Variants in GRIK5 observed in about 807,000 individuals in gnomAD.
GRIK5 encodes the protein glutamate receptor ionotropic, kainate 5.
A neutral mutation model predicts 97.4 loss-of-function variants in GRIK5; 43 were observed. That is an observed-to-expected ratio of 0.44 (90% CI 0.35 to 0.57). GRIK5 has a LOEUF of 0.57. Among genes scored for constraint, GRIK5 ranks in the 20% least tolerant of loss-of-function variants. The pLI is 0.01. For synonymous variants in GRIK5, 580 were observed against 583.5 expected, an observed-to-expected ratio of 0.99 and a Z score of 0.09; for missense variants, 1,015 against 1,382.0, an observed-to-expected ratio of 0.73 and a Z score of 4.21.
At chr19:42,026,052 G>T (rs1404434228) in intron 12 of GRIK5, among the ~76,000 whole-genome samples, 1 of 152,154 alleles carries the variant, frequency 6.6e-6, no homozygotes, top group Non-Finnish European at 1.5e-5. Flanking sequence ...ACACAGTGGT[G>T]CAATCATAAG....
intron 1 of GRIK5, chr19:42,068,718 A>C: frequency 2.0e-6 from 1 of 493,058 alleles, no homozygotes. Context: ...AGACATGCCG[A>C]GAGCAACCTG....
At chr19:42,068,828 G>C (rs1477982546) in intron 1 of GRIK5, 2 of 659,208 alleles carry the variant, frequency 3.0e-6, no homozygotes, top group Non-Finnish European at 5.5e-6. Context: ...AGGAGATAGA[G>C]ACTGGACGGG....
chr19:42,015,492 G>C (rs1208197592), intron 15 of GRIK5, among the ~76,000 whole-genome samples: 3 of 152,194 alleles, frequency 2.0e-5, no homozygotes, highest in Non-Finnish European at 4.4e-5. Flanking sequence ...ATCAATCATA[G>C]AAAGATCTCT....
Position 42,062,377 on chromosome 19 carries a change from G to C in GRIK5, c.508+111C>G. ...AAGATGGGAGAAGAGCCTGGTGCCT[G>C]GGTGCCCCAGGGTTCTAACTAGGGG... On this transcript the variant is annotated intron_variant, in intron 5 of 19. Coordinates refer to ENST00000593562, the MANE Select transcript of GRIK5 (RefSeq NM_002088.5). The surrounding 1 kb of genome is among the most constrained non-coding windows in gnomAD (Gnocchi z 5.3). The C allele has an allele frequency of 9.6e-7, 1 of 1,038,096 alleles. No homozygotes were observed. The highest frequency in any genetic ancestry group is 1.4e-6 in the Non-Finnish European group (1 of 712,500). The allele number at this position is 1,038,096 out of a possible 1,614,324, so 64.3% of individuals were successfully genotyped here.
intron 11 of GRIK5, among the ~76,000 whole-genome samples, chr19:42,044,016 G>C (rs2076012410): frequency 6.6e-6 from 1 of 152,222 alleles, no homozygotes; most frequent in Admixed American, 6.5e-5. Flanking sequence ...TCAAGGGAGA[G>C]ACCAGGTGGA....
chr19:42,030,520 G>A (rs775368106), intron 12 of GRIK5, among the ~76,000 whole-genome samples: 21 of 151,978 alleles, frequency 1.4e-4, no homozygotes, highest in South Asian at 8.3e-4. Flanking sequence ...GTCCAGCAGC[G>A]TGATCATAGC....
chr19:42,024,109 C>A (rs1372915414), intron 12 of GRIK5, among the ~76,000 whole-genome samples: 1 of 152,134 alleles, frequency 6.6e-6, no homozygotes. Flanking sequence ...CTCTTCTTCC[C>A]CGTTCCAGGC....
At position 42,022,440 on chromosome 19, in the gene GRIK5, A is replaced by T; in HGVS notation, c.1474-86T>A. 6.7e-7 allele frequency: 1 copy of T among 1,490,350 alleles called. No individual in the cohort carries two copies. Among genetic ancestry groups the T allele is most frequent in the Non-Finnish European group, 9.1e-7 (1 of 1,100,776 alleles). The allele number at this position is 1,490,350 out of a possible 1,614,324, so 92.3% of individuals were successfully genotyped here. A position where few individuals can be genotyped will look rare whatever the true frequency, so the allele number is the denominator to read the frequency against. On this transcript the variant is annotated intron_variant, in intron 12 of 19. Coordinates refer to ENST00000593562, the MANE Select transcript of GRIK5 (RefSeq NM_002088.5). The surrounding 1 kb of genome is among the most constrained non-coding windows in gnomAD (Gnocchi z 4.2). ...GTTAGAGAGAAATGCACGGAGAGTGAGCAACTGAGGGAGGCGAGAGAGAGA... is the reference window on the plus strand; with the variant it reads ...GTTAGAGAGAAATGCACGGAGAGTGTGCAACTGAGGGAGGCGAGAGAGAGA...
intron 15 of GRIK5, among the ~76,000 whole-genome samples, chr19:42,010,038 C>T (rs2075543129): frequency 6.8e-6 from 1 of 146,756 alleles, no homozygotes; most frequent in Non-Finnish European, 1.5e-5. Flanking sequence ...TGCACTCCAG[C>T]CTGGGCAACA....
Position 42,022,369 on chromosome 19 carries a change from G to A in GRIK5, c.1474-15C>T. The A allele has an allele frequency of 6.2e-7, 1 of 1,603,760 alleles. No individual in the cohort carries two copies. The highest frequency in any genetic ancestry group is 1.1e-5 in the South Asian group (1 of 90,862). On this transcript the variant is annotated splice_polypyrimidine_tract_variant and intron_variant, in intron 12 of 19. Coordinates refer to ENST00000593562, the MANE Select transcript of GRIK5 (RefSeq NM_002088.5). The surrounding 1 kb of genome is among the most constrained non-coding windows in gnomAD (Gnocchi z 4.2). The stretch of plus-strand genomic sequence containing the variant: ...AGGTCTGCCTTCTGCTGGAGGGGAA[G>A]CCGGGCAGGGGTGGAGGGGGACAGA...
At chr19:42,051,711 G>A (rs1169391671) in intron 11 of GRIK5, among the ~76,000 whole-genome samples, 1 of 152,198 alleles carries the variant, frequency 6.6e-6, no homozygotes, top group African/African-American at 2.4e-5. Flanking sequence ...CCTGACACAG[G>A]TCTTGCCCAG....
At chr19:42,060,386 A>G (rs541179124) in intron 5 of GRIK5, among the ~76,000 whole-genome samples, 5 of 152,116 alleles carry the variant, frequency 3.3e-5, no homozygotes, top group Non-Finnish European at 5.9e-5. Context: ...AATGCATTAC[A>G]TGGTTAGAAA....
chr19:42,053,073 C>T (rs1470077775), intron 11 of GRIK5, among the ~76,000 whole-genome samples: 1 of 152,106 alleles, frequency 6.6e-6, no homozygotes, highest in African/African-American at 2.4e-5. Flanking sequence ...AGGAGTGGCA[C>T]CCCCAGGGCT....
rs1168333711 is a variant in GRIK5, at chr19:42,034,055, G to A, written c.1473+8497C>T. 2.6e-5 allele frequency among the ~76,000 whole-genome samples: 4 copies of A among 152,050 alleles called. No homozygotes were observed. In the East Asian group the frequency reaches 5.8e-4, roughly 22 times the overall value. On this transcript the variant is annotated intron_variant, in intron 12 of 19. Coordinates refer to ENST00000593562, the MANE Select transcript of GRIK5 (RefSeq NM_002088.5). ...TTGCTTAAAACCTTCCAGTGGCTCTGCAGCACGATAAAAATAACAGCCAAG... is the reference window on the plus strand; with the variant it reads ...TTGCTTAAAACCTTCCAGTGGCTCTACAGCACGATAAAAATAACAGCCAAG...
Position 42,062,966 on chromosome 19 carries a change from C to A in GRIK5, c.245-111G>T. ...GGAGAGGATCAGACACTGGCAACTG[C>A]CTGATCCTCTTCTGCCATCCGGGAC... On this transcript the variant is annotated intron_variant, in intron 3 of 19. Coordinates refer to ENST00000593562, the MANE Select transcript of GRIK5 (RefSeq NM_002088.5). This position sits in a 1 kb window ranked among gnomAD's most constrained non-coding sequence, Gnocchi z 5.3. 1 of 767,502 alleles carries A rather than the reference C, an allele frequency of 1.3e-6. No individual in the cohort carries two copies. The highest frequency in any genetic ancestry group is 2.2e-6 in the Non-Finnish European group (1 of 449,198). The allele number at this position is 767,502 out of a possible 1,614,324, so 47.5% of individuals were successfully genotyped here.
chr19:42,044,433 A>C (rs926224122), intron 11 of GRIK5, among the ~76,000 whole-genome samples: 2 of 152,190 alleles, frequency 1.3e-5, no homozygotes, highest in Admixed American at 6.5e-5. Flanking sequence ...CTTATTTCTG[A>C]GGGGTTTGAG....
Position 42,062,677 on chromosome 19 carries a change from C to T in GRIK5, c.343-24G>A, listed in dbSNP as rs376398669. 1.2e-4 allele frequency: 198 copies of T among 1,613,670 alleles called. No homozygotes were observed. Among genetic ancestry groups the T allele is most frequent in the Non-Finnish European group, 1.6e-4 (191 of 1,179,768 alleles). ...ATCTGGACAGAGAGGAAACTTTGGC[C>T]TCCATCCTGCTTCTCCGCCCAGCCC... On this transcript the variant is annotated intron_variant, in intron 4 of 19. Coordinates refer to ENST00000593562, the MANE Select transcript of GRIK5 (RefSeq NM_002088.5). This position sits in a 1 kb window ranked among gnomAD's most constrained non-coding sequence, Gnocchi z 5.3.
intron 12 of GRIK5, among the ~76,000 whole-genome samples, chr19:42,030,553 G>A (rs2075829171): frequency 6.6e-6 from 1 of 151,970 alleles, no homozygotes; most frequent in South Asian, 2.1e-4. Context: ...CGAACTCCCA[G>A]GCTCAAGTGA....
At position 42,065,144 on chromosome 19, in the gene GRIK5, C is replaced by T; in HGVS notation, c.244+79G>A. 1 of 1,307,816 alleles carries T rather than the reference C, an allele frequency of 7.6e-7. No homozygotes were observed. The highest frequency in any genetic ancestry group is 2.3e-5 in the East Asian group (1 of 42,788). 81.0% of individuals were successfully genotyped at this position (1,307,816 alleles called of 1,614,324 possible). A position where few individuals can be genotyped will look rare whatever the true frequency, so the allele number is the denominator to read the frequency against. On this transcript the variant is annotated intron_variant, in intron 3 of 19. Transcript: ENST00000593562. The surrounding 1 kb of genome is among the most constrained non-coding windows in gnomAD (Gnocchi z 5.8). ...GAGCTAGAAGAGGACAAGGCCAGGC[C>T]AGAGGCCAGGGGCAGAGGGATGGAC...
Sources: allele counts gnomAD v4.1 joint callset (sites outside exome capture counted in the v4.1 genomes callset), GRCh38; gene constraint gnomAD v4.1.1; non-coding constraint Gnocchi (gnomAD v3.1); transcripts MANE v1.5; gene names NCBI Gene and HGNC (gene_info 2026-07-23, HGNC 2026-07-21).